CRLS1: variants seen among roughly 807,000 people sequenced by gnomAD.
CRLS1 encodes cardiolipin synthase (CMP-forming).
In CRLS1, 24 loss-of-function variants were observed where a neutral mutation model predicts 37.0. The ratio of observed to expected loss-of-function variants is 0.65; its 90% CI spans 0.47 to 0.91. CRLS1 has a LOEUF of 0.91. Among genes scored for constraint, CRLS1 ranks in the 40% least tolerant of loss-of-function variants. The pLI is 0.00. For synonymous variants in CRLS1, 135 were observed against 159.7 expected, an observed-to-expected ratio of 0.85 and a Z score of 1.17; for missense variants, 373 against 395.8, an observed-to-expected ratio of 0.94 and a Z score of 0.49.
intron 5 of CRLS1, among the ~76,000 whole-genome samples, chr20:6,033,106 TTTTAA>T (rs202096807): frequency 1.3e-4 from 19 of 150,066 alleles, no homozygotes; most frequent in East Asian, 1.9e-4. Flanking sequence ...TTTTATTTTA[TTTTAA>T]TTTAATTTAA....
intron 3 of CRLS1, 37 bp from the exon 4 acceptor site, chr20:6,031,248 G>C: frequency 2.1e-6 from 3 of 1,416,638 alleles, no homozygotes; most frequent in South Asian, 2.4e-5. Context: ...GTACTCTTCA[G>C]AATCCCAGTT....
At chr20:6,006,679 AAAG>A in intron 1 of CRLS1, 127 bp downstream of exon 1, 1 of 1,209,764 alleles carries the variant, frequency 8.3e-7, no homozygotes, top group Non-Finnish European at 1.0e-6. Context: ...TCTTCCCTGA[AAAG>A]AAGTTACTGG....
chr20:6,023,768 A>T (rs918868403), intron 3 of CRLS1, among the ~76,000 whole-genome samples: 1 of 151,538 alleles, frequency 6.6e-6, no homozygotes, highest in Non-Finnish European at 1.5e-5. Context: ...AAAAGTTCTT[A>T]TATCGTGTAT....
At chr20:6,025,343 C>T (rs904778921) in intron 3 of CRLS1, among the ~76,000 whole-genome samples, 12 of 152,146 alleles carry the variant, frequency 7.9e-5, no homozygotes, top group African/African-American at 2.2e-4. Context: ...TAGCAAAGCA[C>T]GAATGACAGC....
At chr20:6,025,426 T>A (rs954946828) in intron 3 of CRLS1, among the ~76,000 whole-genome samples, 1 of 152,194 alleles carries the variant, frequency 6.6e-6, no homozygotes. Context: ...AAAAAAAAGA[T>A]TCCTTTAAAA....
intron 3 of CRLS1, among the ~76,000 whole-genome samples, chr20:6,025,243 G>A (rs1979582202): frequency 6.6e-6 from 1 of 152,220 alleles, no homozygotes; most frequent in African/African-American, 2.4e-5. Flanking sequence ...GTGAGTTTAA[G>A]TTGAAGCCAG....
In CRLS1 at chr20:6,038,115, C is replaced by T. The variant is rs1440493408; in HGVS notation, c.*957C>T. ...GCTGTTACGTAAGTTTTCCGATTCA[C>T]AGAGTCCATTCATGTACATCACTTA... On this transcript the variant is annotated 3_prime_UTR_variant, in exon 7 of 7. Transcript: ENST00000378863. 1 of 152,200 alleles carries T rather than the reference C, an allele frequency of 6.6e-6. No individual in the cohort carries two copies. Among genetic ancestry groups the T allele is most frequent in the East Asian group, 1.9e-4 (1 of 5,198 alleles). The allele number at this position is 152,200 out of a possible 1,614,324, so 9.4% of individuals were successfully genotyped here. A position where few individuals can be genotyped will look rare whatever the true frequency, so the allele number is the denominator to read the frequency against.
intron 1 of CRLS1, chr20:6,007,315 A>G: frequency 1.3e-6 from 2 of 1,592,544 alleles, no homozygotes; most frequent in Non-Finnish European, 1.7e-6. Flanking sequence ...CTGATAGCTA[A>G]AGCATGTTGG....
At chr20:6,023,485 G>A (rs1979431397) in intron 3 of CRLS1, 1 of 152,140 alleles carries the variant, frequency 6.6e-6, no homozygotes, top group Non-Finnish European at 1.5e-5. Flanking sequence ...AACCCTGTGG[G>A]AATAGTCATT....
Position 6,015,430 on chromosome 20 carries a change from G to A in CRLS1, c.514G>A (p.Ala172Thr). Reference sequence around the variant, plus strand: ...TTTGGGAAGTGCTCTTGATCCACTTGCTGATAAAATACTTATCAGTATCTT... The same window carrying A: ...TTTGGGAAGTGCTCTTGATCCACTTACTGATAAAATACTTATCAGTATCTT... Reference protein sequence around the residue: ...SALGSALDPLADKILISILYV... With the variant: ...SALGSALDPLTDKILISILYV... The change falls in exon 3 of 7, where the codon GCT becomes ACT. Residue 172 changes from alanine to threonine, a missense_variant. By Grantham distance (58) the Ala-to-Thr change is moderately conservative. Transcript: ENST00000378863. 1.2e-6 allele frequency: 2 copies of A among 1,609,942 alleles called. No homozygotes were observed. Among genetic ancestry groups the A allele is most frequent in the Non-Finnish European group, 1.7e-6 (2 of 1,176,542 alleles).
chr20:6,029,413 G>A (rs1979976063), intron 3 of CRLS1, among the ~76,000 whole-genome samples: 1 of 150,028 alleles, frequency 6.7e-6, no homozygotes, highest in Admixed American at 6.7e-5. Context: ...TGCCCAGGCT[G>A]GAGTGCAATG....
chr20:6,031,435 CAT>C (rs1980162362), intron 4 of CRLS1, 65 bp downstream of exon 4: 1 of 1,251,080 alleles, frequency 8.0e-7, no homozygotes, highest in Non-Finnish European at 1.1e-6. Flanking sequence ...AGCAAAAAGA[CAT>C]ATTTTTGCGT....
intron 3 of CRLS1, among the ~76,000 whole-genome samples, chr20:6,021,808 C>T (rs1054675456): frequency 3.3e-5 from 5 of 151,966 alleles, no homozygotes; most frequent in Non-Finnish European, 7.4e-5. Flanking sequence ...ATTATATTTT[C>T]TTTCACTCTA....
intron 3 of CRLS1, chr20:6,015,836 C>T (rs1405338646): frequency 5.1e-5 from 14 of 273,330 alleles, no homozygotes; most frequent in South Asian, 1.1e-4. Context: ...AGTTTTCCTA[C>T]GTTTATTATC....
chr20:6,017,075 T>G (rs1326396201), intron 3 of CRLS1, among the ~76,000 whole-genome samples: 1 of 152,174 alleles, frequency 6.6e-6, no homozygotes, highest in East Asian at 1.9e-4. Context: ...CATTGCAGCC[T>G]TAACCTCCCA....
At chr20:6,031,861 CA>C (rs1312238554) in intron 4 of CRLS1, 150 bp from the exon 5 acceptor site, 26 of 531,050 alleles carry the variant, frequency 4.9e-5, no homozygotes, top group Non-Finnish European at 7.9e-5. Context: ...AAAATCTATA[CA>C]TTTTTTAAAA....
intron 3 of CRLS1, among the ~76,000 whole-genome samples, chr20:6,017,018 G>T (rs908917931): frequency 6.6e-6 from 1 of 151,816 alleles, no homozygotes; most frequent in Non-Finnish European, 1.5e-5. Flanking sequence ...TTGAGACAGG[G>T]TCTCACTCTG....
At chr20:6,009,659 G>GT (rs1456581110) in intron 1 of CRLS1, 116 bp from the exon 2 acceptor site, 2 of 776,818 alleles carry the variant, frequency 2.6e-6, no homozygotes, top group East Asian at 5.8e-5. Flanking sequence ...TAAATTTAAA[G>GT]TTTATGTAGC....
At chr20:6,035,794 T>A (rs575390613) in intron 6 of CRLS1, among the ~76,000 whole-genome samples, 146 of 151,412 alleles carry the variant, frequency 9.6e-4, no homozygotes, top group Non-Finnish European at 1.4e-3. Flanking sequence ...CTGGCTATTT[T>A]TTTTTAATTA....
Sources: allele counts gnomAD v4.1 joint callset (sites outside exome capture counted in the v4.1 genomes callset), GRCh38; gene constraint gnomAD v4.1.1; transcripts MANE v1.5; gene names NCBI Gene and HGNC (gene_info 2026-07-23, HGNC 2026-07-21).